Variants in KCTD1 observed in about 807,000 individuals in gnomAD.
The protein encoded by KCTD1 is BTB/POZ domain-containing protein KCTD1.
KCTD1 carries 24 observed loss-of-function variants against 66.0 expected under a neutral mutation model. The observed-to-expected ratio is 0.36, with a 90% CI of 0.26 to 0.51. KCTD1 has a LOEUF of 0.51. KCTD1 is among the 20% of genes least tolerant of loss of function. The pLI, the probability that KCTD1 is intolerant of heterozygous loss-of-function variation, is 0.95. For synonymous variants in KCTD1, 511 were observed against 517.2 expected, an observed-to-expected ratio of 0.99 and a Z score of 0.16; for missense variants, 943 against 1,205.2, an observed-to-expected ratio of 0.78 and a Z score of 3.22.
At chr18:26,639,920 G>A (rs1987800884) in intron 1 of KCTD1, among the ~76,000 whole-genome samples, 1 of 152,200 alleles carries the variant, frequency 6.6e-6, no homozygotes, top group Admixed American at 6.5e-5. Context: ...TGCATCAGTA[G>A]ATGGCCAGTT....
At chr18:26,511,412 C>T (rs982905853) in intron 1 of KCTD1, among the ~76,000 whole-genome samples, 2 of 152,166 alleles carry the variant, frequency 1.3e-5, no homozygotes, top group African/African-American at 2.4e-5. Flanking sequence ...TCCCTCCATT[C>T]CCAGCTCTAA....
At chr18:26,478,637 A>C (rs1052080686) in intron 2 of KCTD1, among the ~76,000 whole-genome samples, 2 of 152,202 alleles carry the variant, frequency 1.3e-5, no homozygotes, top group African/African-American at 4.8e-5. Context: ...GCACAGAATG[A>C]GTGATTAATA....
chr18:26,637,633 T>G (rs1241875923), intron 1 of KCTD1, among the ~76,000 whole-genome samples: 1 of 152,214 alleles, frequency 6.6e-6, no homozygotes, highest in African/African-American at 2.4e-5. Flanking sequence ...GGATGAGGCC[T>G]GTTTCTTGCT....
rs1223719383 is a variant in KCTD1 at position 26,598,061 on chromosome 18, C to T, written c.-16+31086G>A. Reference sequence around the variant, plus strand: ...ACTGTACTCATTGACAATCACTTCCCATTCTGACTTCCCCTCAACTCCTAG... The same window carrying T: ...ACTGTACTCATTGACAATCACTTCCTATTCTGACTTCCCCTCAACTCCTAG... On this transcript the variant is annotated intron_variant, in intron 1 of 4. Transcript: ENST00000317932. Among the ~76,000 whole-genome samples, 7 of 152,296 alleles carry T rather than the reference C, an allele frequency of 4.6e-5. No homozygotes were observed. In the East Asian group the frequency reaches 1.4e-3, roughly 29 times the overall value.
At chr18:26,581,738 A>C (rs1462833600) in intron 1 of KCTD1, 3 of 152,208 alleles carry the variant, frequency 2.0e-5, no homozygotes, top group African/African-American at 7.2e-5. Flanking sequence ...CTCTAGATAA[A>C]TAAATACATA....
At chr18:26,647,104 T>C (rs1049271159) in intron 1 of KCTD1, among the ~76,000 whole-genome samples, 4 of 152,212 alleles carry the variant, frequency 2.6e-5, no homozygotes, top group African/African-American at 9.6e-5. Flanking sequence ...GTTTTTCCTA[T>C]AGAAAACCAC....
chr18:26,586,551 T>G (rs1357394870), intron 1 of KCTD1, among the ~76,000 whole-genome samples: 1 of 152,204 alleles, frequency 6.6e-6, no homozygotes, highest in Non-Finnish European at 1.5e-5. Flanking sequence ...CTAGAAATGA[T>G]GAAGCTTAGT....
chr18:26,587,502 T>C (rs754065206), intron 1 of KCTD1, among the ~76,000 whole-genome samples: 5 of 152,252 alleles, frequency 3.3e-5, no homozygotes, highest in Non-Finnish European at 7.3e-5. Context: ...GACTTTTGCG[T>C]CTTATTATTT....
At chr18:26,511,007 T>C (rs560111659) in intron 1 of KCTD1, among the ~76,000 whole-genome samples, 1 of 152,336 alleles carries the variant, frequency 6.6e-6, no homozygotes, top group African/African-American at 2.4e-5. Flanking sequence ...TTTCAGTTGT[T>C]TTTATTCCTT....
chr18:26,602,021 T>G (rs992846624), intron 1 of KCTD1, among the ~76,000 whole-genome samples: 6 of 152,196 alleles, frequency 3.9e-5, no homozygotes, highest in Non-Finnish European at 7.4e-5. Flanking sequence ...CCAGGTACAC[T>G]TCCATGATGA....
chr18:26,513,239 A>T (rs937532238), intron 1 of KCTD1, among the ~76,000 whole-genome samples: 39 of 151,414 alleles, frequency 2.6e-4, no homozygotes, highest in Non-Finnish European at 4.7e-4. Flanking sequence ...AGGCGCCCGC[A>T]ACCACGCCGG....
upstream of KCTD1, chr18:26,549,088 G>A: frequency 1.0e-6 from 1 of 985,050 alleles, no homozygotes; most frequent in South Asian, 4.7e-5. Context: ...ACCCGTGTCT[G>A]GGGCCGCCCG....
At chr18:26,643,835 G>A (rs548132226), upstream of KCTD1, among the ~76,000 whole-genome samples, 17 of 152,278 alleles carry the variant, frequency 1.1e-4, no homozygotes, top group South Asian at 4.1e-4. Flanking sequence ...GGTGGCGGGT[G>A]CCTGTAGTCC....
chr18:26,603,066 C>T (rs1345856441), intron 1 of KCTD1, among the ~76,000 whole-genome samples: 1 of 152,062 alleles, frequency 6.6e-6, no homozygotes, highest in African/African-American at 2.4e-5. Flanking sequence ...ACTGGCTAGC[C>T]ATATGCAGAA....
upstream of KCTD1, among the ~76,000 whole-genome samples, chr18:26,550,968 G>C (rs551522436): frequency 2.0e-5 from 3 of 152,314 alleles, no homozygotes; most frequent in South Asian, 6.2e-4. This position sits in a 1 kb window ranked among gnomAD's most constrained non-coding sequence, Gnocchi z 5.4. Context: ...CAGGGACCCG[G>C]GGGCCGCGCT....
intron 2 of KCTD1, among the ~76,000 whole-genome samples, chr18:26,487,355 A>G (rs778411966): frequency 6.6e-6 from 1 of 152,224 alleles, no homozygotes; most frequent in African/African-American, 2.4e-5. Context: ...AAGAATCCTA[A>G]TATACAACTT....
intron 1 of KCTD1, among the ~76,000 whole-genome samples, chr18:26,647,828 C>CT (rs398120240): frequency 0.42 from 62,842 of 150,634 alleles, 13,767 homozygotes; most frequent in Non-Finnish European, 0.5. Context: ...TCACCTAGAT[C>CT]TTTTTTTTTG....
At chr18:26,465,381 G>T (rs530243745) in intron 3 of KCTD1, among the ~76,000 whole-genome samples, 2 of 152,166 alleles carry the variant, frequency 1.3e-5, no homozygotes, top group African/African-American at 4.8e-5. Flanking sequence ...ACCGTGCCCG[G>T]CCCATTCTTT....
At chr18:26,550,105 C>T (rs915400684), upstream of KCTD1, among the ~76,000 whole-genome samples, 2 of 152,070 alleles carry the variant, frequency 1.3e-5, no homozygotes, top group Non-Finnish European at 2.9e-5. The surrounding 1 kb of genome is among the most constrained non-coding windows in gnomAD (Gnocchi z 5.4). Flanking sequence ...GGTGAGGGGA[C>T]ACGAGGGAGT....
Sources: allele counts gnomAD v4.1 joint callset (sites outside exome capture counted in the v4.1 genomes callset), GRCh38; gene constraint gnomAD v4.1.1; non-coding constraint Gnocchi (gnomAD v3.1); transcripts MANE v1.5; gene names NCBI Gene and HGNC (gene_info 2026-07-23, HGNC 2026-07-21).